Variants in FAM135B observed in about 807,000 individuals in gnomAD.
FAM135B encodes protein FAM135B.
A neutral mutation model predicts 127.7 loss-of-function variants in FAM135B; 43 were observed. The observed-to-expected ratio is 0.34, with a 90% CI of 0.26 to 0.43. The LOEUF (loss-of-function observed/expected upper bound fraction) is 0.43. Ranked by LOEUF, FAM135B falls within the 20% of genes least tolerant of loss-of-function variation. FAM135B has a pLI of 1.00. For missense variants in FAM135B, 1,558 were observed against 1,725.6 expected, an observed-to-expected ratio of 0.90 and a Z score of 1.72; for synonymous variants, 670 against 665.1, an observed-to-expected ratio of 1.01 and a Z score of -0.11.
rs537194592 is a variant in FAM135B at position 138,372,827 on chromosome 8, C to T, written c.-19-4825G>A. Among the ~76,000 whole-genome samples the T allele has an allele frequency of 3.9e-5, 6 of 152,250 alleles. No homozygotes were observed. In the South Asian group the frequency reaches 1.0e-3, roughly 26 times the overall value. On this transcript the variant is annotated intron_variant, in intron 1 of 19. Coordinates refer to ENST00000395297, the MANE Select transcript of FAM135B (RefSeq NM_015912.4). ...ATCTTGATCAAGTGCCCCTTACTGA[C>T]CTGCCCTGTGCTGGGAGCTTTCTAG...
At chr8:138,380,165 G>C (rs988436526) in intron 1 of FAM135B, among the ~76,000 whole-genome samples, 6 of 151,970 alleles carry the variant, frequency 3.9e-5, no homozygotes, top group African/African-American at 1.5e-4. Flanking sequence ...CACCATATGG[G>C]TTTCTTTCTT....
chr8:138,481,430 C>G (rs1237634512), intron 1 of FAM135B, among the ~76,000 whole-genome samples: 1 of 152,214 alleles, frequency 6.6e-6, no homozygotes, highest in South Asian at 2.1e-4. Flanking sequence ...CTGTTTGCAT[C>G]CTTCAGGTCA....
At chr8:138,157,425 T>C (rs1818871689) in intron 12 of FAM135B, among the ~76,000 whole-genome samples, 2 of 152,192 alleles carry the variant, frequency 1.3e-5, no homozygotes, top group Non-Finnish European at 2.9e-5. Context: ...CTACTCAACA[T>C]GGTGTTGGAA....
At chr8:138,336,396 T>C (rs1340977548) in intron 2 of FAM135B, among the ~76,000 whole-genome samples, 2 of 151,962 alleles carry the variant, frequency 1.3e-5, no homozygotes, top group Non-Finnish European at 2.9e-5. Flanking sequence ...AAGAATCAAA[T>C]AGACGCAATA....
chr8:138,167,249 G>A (rs948390595), intron 12 of FAM135B, among the ~76,000 whole-genome samples: 6 of 152,134 alleles, frequency 3.9e-5, no homozygotes, highest in Non-Finnish European at 7.3e-5. Context: ...AGGCTGGAAT[G>A]CGATGGCGAG....
At chr8:138,347,205 A>G (rs1242121156) in intron 2 of FAM135B, among the ~76,000 whole-genome samples, 1 of 152,190 alleles carries the variant, frequency 6.6e-6, no homozygotes, top group Non-Finnish European at 1.5e-5. Flanking sequence ...ATGGGACTTG[A>G]CAGAATGTCT....
intron 1 of FAM135B, among the ~76,000 whole-genome samples, chr8:138,457,990 A>G (rs56009953): frequency 0.01 from 1,532 of 149,762 alleles, 10 homozygotes; most frequent in Non-Finnish European, 0.016. Flanking sequence ...AAAAAAAAAA[A>G]AGAGAGAGAA....
chr8:138,165,731 C>A (rs550772844), intron 12 of FAM135B, among the ~76,000 whole-genome samples: 2 of 152,152 alleles, frequency 1.3e-5, no homozygotes, highest in South Asian at 4.1e-4. Flanking sequence ...TGCAAACACA[C>A]ATACATACAT....
At chr8:138,233,992 A>C (rs188926695) in intron 7 of FAM135B, among the ~76,000 whole-genome samples, 3 of 152,342 alleles carry the variant, frequency 2.0e-5, no homozygotes, top group African/African-American at 7.2e-5. Flanking sequence ...ATATCAATTC[A>C]CACCTCATTG....
In FAM135B at chr8:138,243,151, C is replaced by T. The variant is rs1820973321; in HGVS notation, c.543-83G>A. Reference sequence around the variant, plus strand: ...TAACTCAGCCCCTTTGAGGAGTGTTCCTGTGAAGCATTTGGGATAAGTCAT... The same window carrying T: ...TAACTCAGCCCCTTTGAGGAGTGTTTCTGTGAAGCATTTGGGATAAGTCAT... On this transcript the variant is annotated intron_variant, in intron 6 of 19. Transcript: ENST00000395297. This position sits in a 1 kb window ranked among gnomAD's most constrained non-coding sequence, Gnocchi z 7.5. 6.7e-7 allele frequency: 1 copy of T among 1,482,960 alleles called. No individual in the cohort carries two copies. The highest frequency in any genetic ancestry group is 1.4e-5 in the South Asian group (1 of 71,760). The allele number at this position is 1,482,960 out of a possible 1,614,324, so 91.9% of individuals were successfully genotyped here. A position where few individuals can be genotyped will look rare whatever the true frequency, so the allele number is the denominator to read the frequency against.
intron 1 of FAM135B, among the ~76,000 whole-genome samples, chr8:138,396,148 G>T (rs554431329): frequency 6.6e-6 from 1 of 152,310 alleles, no homozygotes; most frequent in South Asian, 2.1e-4. Context: ...GAAGACCAGC[G>T]CTTCCCCTTA....
intron 1 of FAM135B, among the ~76,000 whole-genome samples, chr8:138,443,316 T>G (rs1474622395): frequency 6.6e-6 from 1 of 152,336 alleles, no homozygotes; most frequent in East Asian, 1.9e-4. Flanking sequence ...TCTCTTTTTC[T>G]TTCTTTTTAC....
chr8:138,282,015 A>G (rs1361075981), intron 3 of FAM135B, among the ~76,000 whole-genome samples: 1 of 152,166 alleles, frequency 6.6e-6, no homozygotes, highest in Non-Finnish European at 1.5e-5. Flanking sequence ...GCAACATGAG[A>G]GCAGAAAATC....
chr8:138,248,698 T>C (rs908279552), intron 6 of FAM135B, among the ~76,000 whole-genome samples: 6 of 151,828 alleles, frequency 4.0e-5, no homozygotes, highest in Non-Finnish European at 7.4e-5. Context: ...CTCCTGCCTG[T>C]AGTCCCAGCT....
intron 1 of FAM135B, among the ~76,000 whole-genome samples, chr8:138,475,412 A>G (rs1814365461): frequency 6.6e-6 from 1 of 152,292 alleles, no homozygotes; most frequent in Admixed American, 6.5e-5. Flanking sequence ...CCAAAGCCAC[A>G]GACTATAGAG....
intron 3 of FAM135B, among the ~76,000 whole-genome samples, chr8:138,266,648 C>CGT (rs1563837519): frequency 6.8e-6 from 1 of 146,616 alleles, no homozygotes; most frequent in African/African-American, 2.5e-5. Flanking sequence ...CGTATATATA[C>CGT]ATATATATAT....
chr8:138,140,008 T>C (rs1816991615), intron 17 of FAM135B, among the ~76,000 whole-genome samples: 1 of 152,218 alleles, frequency 6.6e-6, no homozygotes, highest in South Asian at 2.1e-4. Context: ...GGAGATATTA[T>C]TGGTAAAGTC....
chr8:138,190,435 A>C (rs6985134), intron 9 of FAM135B, among the ~76,000 whole-genome samples: 52,392 of 152,080 alleles, frequency 0.34, 9,374 homozygotes, highest in East Asian at 0.43. Flanking sequence ...TAAGACTGAC[A>C]AAACAGACTC....
At chr8:138,328,536 G>A (rs545851583) in intron 2 of FAM135B, among the ~76,000 whole-genome samples, 5 of 152,260 alleles carry the variant, frequency 3.3e-5, no homozygotes, top group South Asian at 2.1e-4. Flanking sequence ...GAGCATTGTA[G>A]GAACCCTGGG....
Sources: gnomAD v4.1 joint callset for allele counts (sites outside exome capture counted in the v4.1 genomes callset) on GRCh38, gnomAD v4.1.1 for gene constraint, Gnocchi (gnomAD v3.1) non-coding constraint, MANE v1.5 for transcripts, NCBI Gene and HGNC (gene_info 2026-07-23, HGNC 2026-07-21) for gene names.